ZNF670: variants seen among roughly 807,000 people sequenced by gnomAD.
ZNF670 encodes the protein zinc finger protein 670.
In ZNF670, 7 loss-of-function variants were observed where a neutral mutation model predicts 10.9. That is an observed-to-expected ratio of 0.64 (90% confidence interval 0.36 to 1.20). The LOEUF (loss-of-function observed/expected upper bound fraction) is 1.20. ZNF670 is among the 50% of genes most tolerant of loss of function. The pLI is 0.02. For synonymous variants in ZNF670, 136 were observed against 152.7 expected (o/e 0.89, Z 0.81); for missense variants, 446 against 458.6 (o/e 0.97, Z 0.25).
chr1:247,039,664 C>T (rs1448469325), intron 1 of ZNF670, 127 bp from the exon 2 acceptor site: 3 of 1,038,938 alleles, frequency 2.9e-6, no homozygotes, highest in Non-Finnish European at 3.8e-6. Context: ...ACCTGGTCAT[C>T]AGAACTTTAC....
At chr1:247,078,573 A>G in intron 1 of ZNF670, 21 bp downstream of exon 1, 2 of 1,613,302 alleles carry the variant, frequency 1.2e-6, no homozygotes, top group Non-Finnish European at 1.7e-6. Context: ...CCTTCCCGAG[A>G]CACCTGGCCG....
In ZNF670 at chr1:247,037,910, A is replaced by C; in HGVS notation, c.709T>G (p.Ser237Ala). 1 of 1,614,050 alleles carries C rather than the reference A, an allele frequency of 6.2e-7. No homozygotes were observed. The highest frequency in any genetic ancestry group is 8.5e-7 in the Non-Finnish European group (1 of 1,179,984). The part of the protein sequence containing the change: ...CKKCGKSFTF[S>A]SSLRQHERSH... ...CTTTCATGTTGGCGAAGAGAACTGG[A>C]AAAAGTGAATGATTTACCACATTTC... is the stretch of plus-strand genomic sequence containing the variant. The change falls in exon 4 of 4, where the codon TCC becomes GCC. Residue 237 changes from serine (S) to alanine (A), a missense_variant. Coordinates refer to ENST00000366503, the MANE Select transcript of ZNF670 (RefSeq NM_033213.5).
chr1:247,074,612 T>C (rs781059336), intron 1 of ZNF670, among the ~76,000 whole-genome samples: 16 of 152,184 alleles, frequency 1.1e-4, no homozygotes, highest in Non-Finnish European at 2.4e-4. Flanking sequence ...AGATTTTCCA[T>C]GGATGGTGGG....
At chr1:247,061,732 T>C (rs4634944) in intron 1 of ZNF670, among the ~76,000 whole-genome samples, 49,736 of 151,912 alleles carry the variant, frequency 0.33, 8,969 homozygotes, top group African/African-American at 0.46. Context: ...TTCTGAAAAG[T>C]GAAAGAGCAG....
intron 1 of ZNF670, among the ~76,000 whole-genome samples, chr1:247,040,015 A>G (rs1670267708): frequency 6.6e-6 from 1 of 152,202 alleles, no homozygotes; most frequent in African/African-American, 2.4e-5. Context: ...CAATATGTAA[A>G]CAATCTTATG....
intron 1 of ZNF670, among the ~76,000 whole-genome samples, chr1:247,046,566 C>T (rs553218961): frequency 4.6e-5 from 7 of 152,286 alleles, no homozygotes; most frequent in Admixed American, 3.3e-4. Context: ...TAGCTTCCAC[C>T]TAAATTTCAG....
chr1:247,051,375 G>A (rs2103059616), intron 1 of ZNF670, among the ~76,000 whole-genome samples: 1 of 152,274 alleles, frequency 6.6e-6, no homozygotes, highest in South Asian at 2.1e-4. Context: ...CATTTATGAA[G>A]CTTAGTTTCA....
intron 1 of ZNF670, among the ~76,000 whole-genome samples, chr1:247,067,612 G>A (rs1334136939): frequency 6.6e-6 from 1 of 150,610 alleles, no homozygotes; most frequent in African/African-American, 2.4e-5. Context: ...GGAGGCCGAG[G>A]CGGGCGGATC....
At chr1:247,063,202 C>T (rs994871881) in intron 1 of ZNF670, among the ~76,000 whole-genome samples, 2 of 152,278 alleles carry the variant, frequency 1.3e-5, no homozygotes, top group Non-Finnish European at 1.5e-5. Flanking sequence ...AGTACCCATT[C>T]AAAATGGATC....
intron 1 of ZNF670, among the ~76,000 whole-genome samples, chr1:247,044,934 T>C (rs1670403269): frequency 2.0e-5 from 3 of 151,752 alleles, no homozygotes; most frequent in Admixed American, 1.3e-4. Flanking sequence ...CAAATCTGCA[T>C]ATGTACCCCC....
At chr1:247,056,553 A>G (rs1475437307) in intron 1 of ZNF670, among the ~76,000 whole-genome samples, 1 of 152,224 alleles carries the variant, frequency 6.6e-6, no homozygotes, top group Non-Finnish European at 1.5e-5. Context: ...AGCTGTAAAT[A>G]CCTACATCAA....
intron 1 of ZNF670, among the ~76,000 whole-genome samples, chr1:247,078,151 C>G (rs1370111102): frequency 1.3e-5 from 2 of 152,200 alleles, no homozygotes; most frequent in East Asian, 3.8e-4. Context: ...CCACAAACCA[C>G]GCTGGTGGCT....
chr1:247,051,267 A>C (rs919916279), intron 1 of ZNF670, among the ~76,000 whole-genome samples: 1 of 131,968 alleles, frequency 7.6e-6, no homozygotes, highest in Non-Finnish European at 1.6e-5. Flanking sequence ...GAAAAAAAAA[A>C]ACAAAAAAAA....
rs573609769 is a variant in ZNF670, at chr1:247,039,478, C to A, written c.63G>T (p.Leu21=). 6.2e-7 allele frequency: 1 copy of A among 1,606,748 alleles called. No individual in the cohort carries two copies. The highest frequency in any genetic ancestry group is 1.7e-5 in the Admixed American group (1 of 58,566). The change falls in exon 2 of 4, where the codon CTG becomes CTT. Residue 21 remains leucine (L), a synonymous_variant. Transcript: ENST00000366503. ...TGTAGAGATTCTTTTGAGAAGGATC[C>A]AGCAAAGCCCACTCCTCCTGAGTAA... ...VAFTQEEWAL[L]DPSQKNLYRD... is the part of the protein sequence containing the mutation.
chr1:247,047,868 A>T (rs1187895125), intron 1 of ZNF670, among the ~76,000 whole-genome samples: 2 of 151,914 alleles, frequency 1.3e-5, no homozygotes, highest in Non-Finnish European at 2.9e-5. Context: ...TACAAAAAGC[A>T]GCAAGGCCCT....
intron 1 of ZNF670, among the ~76,000 whole-genome samples, chr1:247,060,731 A>C (rs1558343826): frequency 6.6e-6 from 1 of 152,242 alleles, no homozygotes; most frequent in Non-Finnish European, 1.5e-5. Flanking sequence ...CCATGCAAAA[A>C]AATTACACAC....
intron 1 of ZNF670, among the ~76,000 whole-genome samples, chr1:247,040,368 T>C (rs1186655370): frequency 2.6e-5 from 4 of 152,192 alleles, no homozygotes; most frequent in African/African-American, 9.7e-5. Flanking sequence ...CAAAGTGCAA[T>C]GGAGTAAGTG....
chr1:247,073,371 C>T (rs1379047180), intron 1 of ZNF670, among the ~76,000 whole-genome samples: 1 of 151,494 alleles, frequency 6.6e-6, no homozygotes, highest in Non-Finnish European at 1.5e-5. Flanking sequence ...GAGATACAGC[C>T]CAAGGTGGTT....
intron 1 of ZNF670, among the ~76,000 whole-genome samples, chr1:247,045,566 T>C (rs559459116): frequency 5.9e-4 from 90 of 152,296 alleles, no homozygotes; most frequent in African/African-American, 2.1e-3. Context: ...GCCGGTGCCA[T>C]GCTTGTACAG....
Sources: allele counts gnomAD v4.1 joint callset (sites outside exome capture counted in the v4.1 genomes callset), GRCh38; gene constraint gnomAD v4.1.1; transcripts MANE v1.5; gene names NCBI Gene and HGNC (gene_info 2026-07-23, HGNC 2026-07-21).